Variants in SEMA5A observed in about 807,000 individuals in gnomAD.
SEMA5A encodes semaphorin-5A.
In SEMA5A, 55 loss-of-function variants were observed where a neutral mutation model predicts 135.5. The ratio of observed to expected loss-of-function variants is 0.41; its 90% CI spans 0.33 to 0.51. The LOEUF (loss-of-function observed/expected upper bound fraction) is 0.51, where lower values mean the gene tolerates loss of function less well. SEMA5A is among the 20% of genes least tolerant of loss of function. SEMA5A has a pLI of 0.37. For missense variants in SEMA5A, 1,290 were observed against 1,419.9 expected (o/e 0.91, Z 1.47); for synonymous variants, 580 against 546.5 (o/e 1.06, Z -0.85).
At chr5:9,088,659 T>TACAC (rs1554026678) in intron 16 of SEMA5A, among the ~76,000 whole-genome samples, 28 of 112,854 alleles carry the variant, frequency 2.5e-4, no homozygotes, top group South Asian at 8.2e-4. Context: ...TATATATATA[T>TACAC]ACACACACAC....
In SEMA5A at chr5:9,353,249, G is replaced by GGGAA. The variant is rs1754266020; in HGVS notation, c.125-15441_125-15438dup. 1.0e-4 allele frequency among the ~76,000 whole-genome samples: 14 copies of GGGAA among 137,496 alleles called. 1 individual carries two copies. Among genetic ancestry groups the GGGAA allele is most frequent in the African/African-American group, 4.1e-4 (14 of 34,464 alleles). 90.2% of individuals were successfully genotyped at this position (137,496 alleles called of 152,430 possible). A position where few individuals can be genotyped will look rare whatever the true frequency, so the allele number is the denominator to read the frequency against. The stretch of plus-strand genomic sequence containing the variant: ...AGGAAAGGAAAGGAAGGAAAGGGAA[G>GGGAA]GGAAGGGAAGGGAAGCAAAGGAAAG... On this transcript the variant is annotated intron_variant, in intron 3 of 22. Transcript: ENST00000382496.
At chr5:9,048,643 C>G (rs1736399260) in intron 21 of SEMA5A, among the ~76,000 whole-genome samples, 2 of 152,310 alleles carry the variant, frequency 1.3e-5, no homozygotes, top group Admixed American at 6.5e-5. Flanking sequence ...CATCTAAAAG[C>G]TGCTGAGTTC....
intron 3 of SEMA5A, among the ~76,000 whole-genome samples, chr5:9,368,397 T>A (rs1755002842): frequency 6.6e-6 from 1 of 152,230 alleles, no homozygotes; most frequent in South Asian, 2.1e-4. Context: ...TTTCAAAAAT[T>A]GGTTTCATAG....
intron 13 of SEMA5A, among the ~76,000 whole-genome samples, chr5:9,133,220 T>TA (rs1408510966): frequency 3.9e-5 from 6 of 152,234 alleles, no homozygotes; most frequent in African/African-American, 1.4e-4. Flanking sequence ...ATACCTAAGT[T>TA]AATACTGATG....
At chr5:9,068,234 TA>T (rs1304805169) in intron 16 of SEMA5A, among the ~76,000 whole-genome samples, 1 of 152,220 alleles carries the variant, frequency 6.6e-6, no homozygotes, top group Non-Finnish European at 1.5e-5. Flanking sequence ...AGTGGAGGGC[TA>T]AAAAGTTTAA....
intron 1 of SEMA5A, among the ~76,000 whole-genome samples, chr5:9,507,922 T>C (rs1735986335): frequency 6.6e-6 from 1 of 150,620 alleles, no homozygotes; most frequent in Admixed American, 6.7e-5. Context: ...GAGAATGACA[T>C]GAACCCAGGA....
chr5:9,188,952 C>G (rs1744949619), intron 11 of SEMA5A, among the ~76,000 whole-genome samples: 1 of 152,228 alleles, frequency 6.6e-6, no homozygotes, highest in Non-Finnish European at 1.5e-5. Context: ...AGTTCCTCCT[C>G]TTCCCACAGA....
intron 4 of SEMA5A, among the ~76,000 whole-genome samples, chr5:9,324,008 A>C (rs1752755153): frequency 6.6e-6 from 1 of 151,470 alleles, no homozygotes; most frequent in African/African-American, 2.4e-5. Flanking sequence ...CAAATACCTC[A>C]CTACACAAAC....
At chr5:9,318,236 G>A (rs1050558260) in intron 5 of SEMA5A, 136 bp downstream of exon 5, 6 of 694,668 alleles carry the variant, frequency 8.6e-6, no homozygotes, top group Non-Finnish European at 7.1e-6. Flanking sequence ...CCTTAGTCCC[G>A]TGGCCTGACC....
chr5:9,406,112 G>A lies in SEMA5A; in HGVS notation c.-77-26089C>T, dbSNP rs114752425. Among the ~76,000 whole-genome samples the A allele has an allele frequency of 6.9e-3, 1,051 of 152,306 alleles. 14 individuals carry two copies. The highest frequency in any genetic ancestry group is 0.024 in the African/African-American group (986 of 41,560). On this transcript the variant is annotated intron_variant, in intron 2 of 22. Transcript: ENST00000382496. ...GAATTTGTTAGAAGCAAAATAAAGC[G>A]AACATGGTTAAAATGACAACAACAA...
In SEMA5A at chr5:9,384,697, TAGATAGATAGATAGATAGACAGAC is replaced by T. The variant is rs1355917484; in HGVS notation, c.-77-4698_-77-4675del. ...AGATATAGATAGATAGATAGATAGA[TAGATAGATAGATAGATAGACAGAC>T]AGACAGACAGACAGACAGACAGATG... On this transcript the variant is annotated intron_variant, in intron 2 of 22. Coordinates refer to ENST00000382496, the MANE Select transcript of SEMA5A (RefSeq NM_003966.3). Among the ~76,000 whole-genome samples the T allele has an allele frequency of 8.5e-5, 12 of 140,640 alleles. 2 individuals are homozygous for T. The highest frequency in any genetic ancestry group is 7.6e-4 in the Admixed American group (10 of 13,090). The allele number at this position is 140,640 out of a possible 152,430, so 92.3% of individuals were successfully genotyped here. A position where few individuals can be genotyped will look rare whatever the true frequency, so the allele number is the denominator to read the frequency against.
intron 1 of SEMA5A, among the ~76,000 whole-genome samples, chr5:9,541,584 T>C (rs1227663876): frequency 6.6e-6 from 1 of 152,212 alleles, no homozygotes; most frequent in Non-Finnish European, 1.5e-5. Context: ...ACAGAATGAT[T>C]TTCTTTTTTC....
Position 9,322,235 on chromosome 5 carries a change from C to T in SEMA5A, c.225-3818G>A, listed in dbSNP as rs114851589. Among the ~76,000 whole-genome samples the T allele has an allele frequency of 4.9e-3, 752 of 152,280 alleles. 7 individuals carry two copies. The highest frequency in any genetic ancestry group is 0.017 in the African/African-American group (717 of 41,556). On this transcript the variant is annotated intron_variant, in intron 4 of 22. Coordinates refer to ENST00000382496, the MANE Select transcript of SEMA5A (RefSeq NM_003966.3). Reference sequence around the variant, plus strand: ...TCCAATGGGCTGTAAAGGTACCCCTCCTCTCCAGAAACATTGCTAGTGGAG... The same window carrying T: ...TCCAATGGGCTGTAAAGGTACCCCTTCTCTCCAGAAACATTGCTAGTGGAG...
At chr5:9,198,158 A>G (rs930812997) in intron 9 of SEMA5A, among the ~76,000 whole-genome samples, 24 of 152,206 alleles carry the variant, frequency 1.6e-4, no homozygotes, top group African/African-American at 5.8e-4. Context: ...AGACAATACC[A>G]CAAGCATTTC....
At chr5:9,474,858 C>A (rs1177076983) in intron 1 of SEMA5A, among the ~76,000 whole-genome samples, 1 of 152,214 alleles carries the variant, frequency 6.6e-6, no homozygotes, top group Non-Finnish European at 1.5e-5. Flanking sequence ...AACAGGTGAG[C>A]CTTTTCCTGC....
intron 18 of SEMA5A, among the ~76,000 whole-genome samples, chr5:9,059,788 G>A (rs1034873766): frequency 6.6e-6 from 1 of 152,116 alleles, no homozygotes; most frequent in Non-Finnish European, 1.5e-5. Flanking sequence ...GACCACAAGT[G>A]ATCTATCCAA....
intron 1 of SEMA5A, among the ~76,000 whole-genome samples, chr5:9,527,267 A>T (rs420819): frequency 0.34 from 51,565 of 151,670 alleles, 8,895 homozygotes; most frequent in African/African-American, 0.4. Flanking sequence ...ATGGCCCCCA[A>T]GGGAAAAAGC....
At chr5:9,106,357 G>T (rs1552003) in intron 16 of SEMA5A, among the ~76,000 whole-genome samples, 17,316 of 152,088 alleles carry the variant, frequency 0.11, 1,504 homozygotes, top group East Asian at 0.3. Flanking sequence ...TCATCAGATG[G>T]ATGTCACACA....
chr5:9,155,332 C>T (rs570114593), intron 11 of SEMA5A, among the ~76,000 whole-genome samples: 1 of 152,098 alleles, frequency 6.6e-6, no homozygotes, highest in Non-Finnish European at 1.5e-5. Flanking sequence ...TCCAAGCCCT[C>T]CCCGCTCCAG....
Sources: allele counts gnomAD v4.1 joint callset (sites outside exome capture counted in the v4.1 genomes callset), GRCh38; gene constraint gnomAD v4.1.1; transcripts MANE v1.5; gene names NCBI Gene and HGNC (gene_info 2026-07-23, HGNC 2026-07-21).